Variants in ACKR3 observed in about 807,000 individuals in gnomAD.
The protein encoded by ACKR3 is C-X-C chemokine receptor type 7.
ACKR3 carries 6 observed loss-of-function variants against 22.4 expected under a neutral mutation model. The ratio of observed to expected loss-of-function variants is 0.27; its 90% CI spans 0.15 to 0.53. The LOEUF is 0.53. Ranked by LOEUF, ACKR3 falls within the 20% of genes least tolerant of loss-of-function variation. The pLI, the probability that ACKR3 is intolerant of heterozygous loss-of-function variation, is 0.96. For missense variants in ACKR3, 396 were observed against 475.2 expected (o/e 0.83, Z 1.55); for synonymous variants, 209 against 205.2 (o/e 1.02, Z -0.16).
At chr2:236,564,542 A>G (rs183148261), upstream of ACKR3, among the ~76,000 whole-genome samples, 3 of 151,182 alleles carry the variant, frequency 2.0e-5, no homozygotes, top group East Asian at 5.8e-4. Flanking sequence ...TGAGGCTGAG[A>G]TTTAGCCAGA....
the ACKR3 span, among the ~76,000 whole-genome samples, chr2:236,545,362 A>C: frequency 6.6e-6 from 1 of 152,160 alleles, no homozygotes; most frequent in Non-Finnish European, 1.5e-5. The surrounding 1 kb of genome is among the most constrained non-coding windows in gnomAD (Gnocchi z 5.3). Context: ...GCCTAAGAAG[A>C]CAACACCCAG....
At chr2:236,552,778 G>A in the ACKR3 span, among the ~76,000 whole-genome samples, 1 of 152,168 alleles carries the variant, frequency 6.6e-6, no homozygotes, top group African/African-American at 2.4e-5. Context: ...AGGGACCCAG[G>A]GAGGGAGGGG....
the ACKR3 span, among the ~76,000 whole-genome samples, chr2:236,537,152 A>T: frequency 7.6e-4 from 116 of 152,198 alleles, 1 homozygote; most frequent in Admixed American, 7.5e-3. Context: ...TTGGTTAAAC[A>T]CGGTGTTACC....
chr2:236,545,409 C>T, the ACKR3 span, among the ~76,000 whole-genome samples: 4 of 152,156 alleles, frequency 2.6e-5, no homozygotes, highest in South Asian at 2.1e-4. This position sits in a 1 kb window ranked among gnomAD's most constrained non-coding sequence, Gnocchi z 5.3. Context: ...AGTCACATCA[C>T]GTAGAAACTC....
chr2:236,570,616 A>G (rs566840534), intron 1 of ACKR3, among the ~76,000 whole-genome samples: 9 of 152,342 alleles, frequency 5.9e-5, no homozygotes, highest in South Asian at 2.1e-4. Context: ...TCCAACTTCA[A>G]TTGGGGTTGG....
chr2:236,580,142 C>T (rs1321301773), intron 1 of ACKR3, among the ~76,000 whole-genome samples: 1 of 152,228 alleles, frequency 6.6e-6, no homozygotes, highest in East Asian at 1.9e-4. Flanking sequence ...ATTTCACACA[C>T]TGGGCACAGC....
At chr2:236,557,788 T>C in the ACKR3 span, among the ~76,000 whole-genome samples, 1 of 152,162 alleles carries the variant, frequency 6.6e-6, no homozygotes. Context: ...TCATCAGTCA[T>C]GGGACAAATT....
upstream of ACKR3, among the ~76,000 whole-genome samples, chr2:236,569,122 A>G (rs992416479): frequency 3.9e-5 from 6 of 152,252 alleles, no homozygotes; most frequent in Non-Finnish European, 8.8e-5. Context: ...TCTCAGAAAA[A>G]GACATTATCA....
intron 1 of ACKR3, among the ~76,000 whole-genome samples, chr2:236,578,447 C>T (rs556448003): frequency 6.6e-6 from 1 of 152,210 alleles, no homozygotes; most frequent in Non-Finnish European, 1.5e-5. Flanking sequence ...TGAGGACGGC[C>T]AGGCCTCCCG....
Position 236,569,842 on chromosome 2 carries a change from C to G in ACKR3, c.-109C>G, listed in dbSNP as rs1390075834. 1 of 152,378 alleles carries G rather than the reference C, an allele frequency of 6.6e-6. No individual in the cohort carries two copies. Among genetic ancestry groups the G allele is most frequent in the East Asian group, 1.9e-4 (1 of 5,204 alleles). The allele number at this position is 152,378 out of a possible 1,614,324, so 9.4% of individuals were successfully genotyped here. A position where few individuals can be genotyped will look rare whatever the true frequency, so the allele number is the denominator to read the frequency against. Reference sequence around the variant, plus strand: ...CAGAGCTCACAGTTGTTGCAAAGTGCTCAGCACTAAGGGAGCCAGCGCACA... The same window carrying G: ...CAGAGCTCACAGTTGTTGCAAAGTGGTCAGCACTAAGGGAGCCAGCGCACA... On this transcript the variant is annotated 5_prime_UTR_variant, in exon 1 of 2. Coordinates refer to ENST00000272928, the MANE Select transcript of ACKR3 (RefSeq NM_020311.3).
Position 236,569,888 on chromosome 2 carries a change from GAGCCCAGCC to G in ACKR3, c.-39_-31del, listed in dbSNP as rs375543878. ...GCACAGCACAGCCAGGAAGGCGAGCGAGCCCAGCCAGCCCAGCCAGCCCAGCCAGCCCGG... is the reference window on the plus strand; with the variant it reads ...GCACAGCACAGCCAGGAAGGCGAGCGAGCCCAGCCAGCCCAGCCAGCCCGG... On this transcript the variant is annotated 5_prime_UTR_variant, in exon 1 of 2. Transcript: ENST00000272928. 58 of 152,824 alleles carry G rather than the reference GAGCCCAGCC, an allele frequency of 3.8e-4. No homozygotes were observed. In the South Asian group the frequency reaches 4.6e-3, roughly 12 times the overall value. 9.5% of individuals were successfully genotyped at this position (152,824 alleles called of 1,614,324 possible).
At chr2:236,540,314 C>T in the ACKR3 span, among the ~76,000 whole-genome samples, 1 of 151,138 alleles carries the variant, frequency 6.6e-6, no homozygotes, top group Non-Finnish European at 1.5e-5. Flanking sequence ...TGCTTAATGA[C>T]CATTCATGTA....
rs1028046882 is a variant in ACKR3, at chr2:236,577,650, A to G, written c.-26-2790A>G. On this transcript the variant is annotated intron_variant, in intron 1 of 1. Transcript: ENST00000272928. This position sits in a 1 kb window ranked among gnomAD's most constrained non-coding sequence, Gnocchi z 5.6. ...CAGGCGCCTGGCCAGCCGGCATCTG[A>G]CATGTCTCTACACTGGAGGGCAAGT... Among the ~76,000 whole-genome samples, 1 of 152,140 alleles carries G rather than the reference A, an allele frequency of 6.6e-6. No individual in the cohort carries two copies. Among genetic ancestry groups the G allele is most frequent in the African/African-American group, 2.4e-5 (1 of 41,438 alleles).
chr2:236,557,551 G>A, the ACKR3 span, among the ~76,000 whole-genome samples: 22 of 152,258 alleles, frequency 1.4e-4, no homozygotes, highest in South Asian at 1.9e-3. Flanking sequence ...GCCAAATCAG[G>A]AATAATCTGA....
chr2:236,544,907 G>C, the ACKR3 span, among the ~76,000 whole-genome samples: 1 of 152,116 alleles, frequency 6.6e-6, no homozygotes, highest in Non-Finnish European at 1.5e-5. This position sits in a 1 kb window ranked among gnomAD's most constrained non-coding sequence, Gnocchi z 5.0. Flanking sequence ...GAGTTTGTTG[G>C]TTTGCTTTTA....
chr2:236,543,169 A>T, the ACKR3 span, among the ~76,000 whole-genome samples: 1 of 152,192 alleles, frequency 6.6e-6, no homozygotes, highest in African/African-American at 2.4e-5. Context: ...GCAGACAAGG[A>T]AAATGAGGTT....
chr2:236,551,564 C>T, the ACKR3 span, among the ~76,000 whole-genome samples: 1 of 152,178 alleles, frequency 6.6e-6, no homozygotes, highest in Non-Finnish European at 1.5e-5. Context: ...GTGCAGACAC[C>T]AGCTGATTTG....
the ACKR3 span, among the ~76,000 whole-genome samples, chr2:236,553,042 A>G: frequency 6.6e-6 from 1 of 152,274 alleles, no homozygotes; most frequent in Non-Finnish European, 1.5e-5. Context: ...TTATCATGTG[A>G]TACTCCTTTT....
chr2:236,560,326 T>C, the ACKR3 span, among the ~76,000 whole-genome samples: 2,987 of 150,864 alleles, frequency 0.02, 122 homozygotes, highest in African/African-American at 0.07. Context: ...CTTTTTTTTT[T>C]TTTTTTTTTG....
Sources: allele counts gnomAD v4.1 joint callset (sites outside exome capture counted in the v4.1 genomes callset), GRCh38; gene constraint gnomAD v4.1.1; non-coding constraint Gnocchi (gnomAD v3.1); transcripts MANE v1.5; gene names NCBI Gene and HGNC (gene_info 2026-07-23, HGNC 2026-07-21).